RUFY1: variants seen among roughly 807,000 people sequenced by gnomAD.
RUFY1 encodes RUN and FYVE domain-containing protein 1.
RUFY1 carries 54 observed loss-of-function variants against 94.6 expected under a neutral mutation model. The ratio of observed to expected loss-of-function variants is 0.57; its 90% CI spans 0.46 to 0.72. The LOEUF is 0.72. Ranked by LOEUF, RUFY1 falls within the 30% of genes least tolerant of loss-of-function variation. RUFY1 has a pLI of 0.00. For synonymous variants in RUFY1, 396 were observed against 347.3 expected (o/e 1.14, Z -1.56); for missense variants, 883 against 883.9 (o/e 1.00, Z 0.01).
At chr5:179,593,745 C>A in intron 11 of RUFY1, 100 bp downstream of exon 11, 1 of 1,489,034 alleles carries the variant, frequency 6.7e-7, no homozygotes, top group South Asian at 1.4e-5. Context: ...ACATAGAGCC[C>A]CTCGTATGTG....
chr5:179,577,597 G>A (rs1197372987), intron 6 of RUFY1, among the ~76,000 whole-genome samples: 3 of 141,972 alleles, frequency 2.1e-5, no homozygotes, highest in Admixed American at 1.4e-4. Context: ...AGGGGAGGGC[G>A]GGGGTGGGGA....
intron 7 of RUFY1, 22 bp from the exon 8 acceptor site, chr5:179,585,774 T>G: frequency 6.4e-7 from 1 of 1,565,764 alleles, no homozygotes; most frequent in Non-Finnish European, 8.8e-7. Flanking sequence ...TTATGTTTAC[T>G]TAATATTCTT....
intron 6 of RUFY1, among the ~76,000 whole-genome samples, chr5:179,579,657 C>CTTTTTTTTTTTTTTTTTATT (rs1763948533): frequency 2.0e-5 from 1 of 50,548 alleles, no homozygotes; most frequent in Admixed American, 3.8e-4. Flanking sequence ...TTTTCTTCTT[C>CTTTTTTTTTTTTTTTTTATT]TTTTTTTTTT....
intron 1 of RUFY1, among the ~76,000 whole-genome samples, chr5:179,556,854 T>C (rs555057789): frequency 2.6e-5 from 4 of 152,232 alleles, no homozygotes; most frequent in Non-Finnish European, 5.9e-5. Context: ...CATTAGCATA[T>C]ATCTGTAGAT....
intron 16 of RUFY1, chr5:179,606,946 G>A (rs1767147987): frequency 6.5e-6 from 1 of 153,356 alleles, no homozygotes; most frequent in Non-Finnish European, 1.5e-5. Flanking sequence ...TAAATCACAG[G>A]TGCTGCTTCG....
chr5:179,603,420 C>T (rs1562110281), intron 15 of RUFY1, among the ~76,000 whole-genome samples: 1 of 151,758 alleles, frequency 6.6e-6, no homozygotes, highest in Admixed American at 6.6e-5. Context: ...TCCCCTCCCA[C>T]CCTCCGCCCT....
chr5:179,560,341 C>T (rs1762344266), intron 2 of RUFY1, 143 bp downstream of exon 2: 6 of 1,034,476 alleles, frequency 5.8e-6, no homozygotes, highest in African/African-American at 1.6e-5. Flanking sequence ...TCAGAAGCGA[C>T]GTCCTAGAGC....
chr5:179,580,239 G>A (rs56044132), intron 6 of RUFY1, among the ~76,000 whole-genome samples: 6,324 of 51,186 alleles, frequency 0.12, 344 homozygotes, highest in African/African-American at 0.26. Flanking sequence ...GTGTGTGTGT[G>A]TGTATATTTT....
intron 1 of RUFY1, among the ~76,000 whole-genome samples, chr5:179,557,298 C>T (rs545038189): frequency 2.6e-5 from 4 of 152,184 alleles, no homozygotes; most frequent in South Asian, 4.1e-4. Flanking sequence ...GGCATGGTGG[C>T]GGGCACCTGT....
At chr5:179,607,009 T>G (rs1281126304) in intron 16 of RUFY1, 1 of 153,550 alleles carries the variant, frequency 6.5e-6, no homozygotes, top group Non-Finnish European at 1.5e-5. Context: ...CCGCCTCCCC[T>G]GTGGAATGGA....
At chr5:179,587,201 C>T (rs2127549055) in intron 8 of RUFY1, among the ~76,000 whole-genome samples, 1 of 152,094 alleles carries the variant, frequency 6.6e-6, no homozygotes, top group South Asian at 2.1e-4. Flanking sequence ...TACAGGTACA[C>T]ACCACCAACA....
Position 179,593,659 on chromosome 5 carries a change from T to G in RUFY1, c.1413+14T>G, listed in dbSNP as rs73809485. On this transcript the variant is annotated intron_variant, in intron 11 of 17. Coordinates refer to ENST00000319449, the MANE Select transcript of RUFY1 (RefSeq NM_025158.5). ...CACAAAGCTCAGGTGGGAGTTGGCT[T>G]TGTGTCCATGGCACAGCCTGGTTTC... 1,780 of 1,611,786 alleles carry G rather than the reference T, an allele frequency of 1.1e-3. 20 individuals carry two copies. The African/African-American group carries it at 0.018, about 16-fold the overall frequency.
intron 15 of RUFY1, among the ~76,000 whole-genome samples, chr5:179,603,174 A>G (rs1766624516): frequency 6.6e-6 from 1 of 152,046 alleles, no homozygotes; most frequent in Admixed American, 6.6e-5. Context: ...CTGAGACAGC[A>G]GCATCGCTTG....
chr5:179,581,203 TC>T (rs1400582922), intron 7 of RUFY1, among the ~76,000 whole-genome samples, 191 bp downstream of exon 7: 3 of 152,180 alleles, frequency 2.0e-5, no homozygotes. Context: ...TCTTGGGAAA[TC>T]TTTATTCTGT....
At chr5:179,550,905 C>T in intron 1 of RUFY1, 26 bp downstream of exon 1, 1 of 1,105,560 alleles carries the variant, frequency 9.0e-7, no homozygotes, top group Non-Finnish European at 1.1e-6. Context: ...GTCTGTCCCG[C>T]GGCGGACTCG....
chr5:179,558,344 G>A (rs925907054), intron 1 of RUFY1, among the ~76,000 whole-genome samples: 4 of 152,084 alleles, frequency 2.6e-5, no homozygotes, highest in Non-Finnish European at 5.9e-5. Flanking sequence ...ATGCCAAGGC[G>A]GGCGGATCAC....
intron 1 of RUFY1, among the ~76,000 whole-genome samples, chr5:179,559,510 G>C (rs1762277452): frequency 6.6e-6 from 1 of 152,222 alleles, no homozygotes; most frequent in Admixed American, 6.5e-5. Flanking sequence ...AAAGCCTTCT[G>C]GGCGGGGTGC....
chr5:179,609,654 A>G lies in RUFY1; in HGVS notation c.*135A>G. The stretch of plus-strand genomic sequence containing the variant: ...TCTTGCCCGGTCACTGGCACTCCAG[A>G]AGACAGCGTGCCGGAACCGGCAGCT... On this transcript the variant is annotated 3_prime_UTR_variant, in exon 18 of 18. Coordinates refer to ENST00000319449, the MANE Select transcript of RUFY1 (RefSeq NM_025158.5). 1 of 863,252 alleles carries G rather than the reference A, an allele frequency of 1.2e-6. No individual in the cohort carries two copies. The highest frequency in any genetic ancestry group is 1.7e-6 in the Non-Finnish European group (1 of 593,294). 53.5% of individuals were successfully genotyped at this position (863,252 alleles called of 1,614,324 possible). A position where few individuals can be genotyped will look rare whatever the true frequency, so the allele number is the denominator to read the frequency against.
At chr5:179,567,647 C>A in intron 4 of RUFY1, 85 bp downstream of exon 4, 1 of 935,268 alleles carries the variant, frequency 1.1e-6, no homozygotes, top group Non-Finnish European at 1.7e-6. Flanking sequence ...ACCTGTAATC[C>A]CAGCACTTTG....
Sources: allele counts gnomAD v4.1 joint callset (sites outside exome capture counted in the v4.1 genomes callset), GRCh38; gene constraint gnomAD v4.1.1; transcripts MANE v1.5; gene names NCBI Gene and HGNC (gene_info 2026-07-23, HGNC 2026-07-21).